The following CNTNAP2 variants were observed in gnomAD, a reference collection of about 807,000 sequenced individuals.
CNTNAP2 encodes contactin-associated protein-like 2.
In CNTNAP2, 98 loss-of-function variants were observed where a neutral mutation model predicts 155.2. The ratio of observed to expected loss-of-function variants is 0.63; its 90% CI spans 0.54 to 0.75. The LOEUF is 0.75. CNTNAP2 is among the 30% of genes least tolerant of loss of function. The probability of loss-of-function intolerance (pLI) is 0.00; values close to 1 mark genes in which losing one functional copy is unlikely to be tolerated. For missense variants in CNTNAP2, 1,727 were observed against 1,688.1 expected, an observed-to-expected ratio of 1.02 and a Z score of -0.40; for synonymous variants, 651 against 631.2, an observed-to-expected ratio of 1.03 and a Z score of -0.47.
intron 4 of CNTNAP2, among the ~76,000 whole-genome samples, chr7:147,094,476 A>G (rs1052094984): frequency 1.4e-5 from 2 of 143,926 alleles, no homozygotes; most frequent in Non-Finnish European, 3.0e-5. Context: ...ATCTCGGCTC[A>G]CTGCAAGCTC....
chr7:148,331,049 G>A (rs977377427), intron 21 of CNTNAP2, among the ~76,000 whole-genome samples: 13 of 150,606 alleles, frequency 8.6e-5, no homozygotes, highest in Admixed American at 7.3e-4. Context: ...TGGAATGGAC[G>A]GATGGGATGG....
At chr7:146,248,795 C>G (rs1452321424) in intron 1 of CNTNAP2, among the ~76,000 whole-genome samples, 8 of 152,172 alleles carry the variant, frequency 5.3e-5, no homozygotes, top group Non-Finnish European at 1.2e-4. Flanking sequence ...GTCCCCTGAT[C>G]CGAGTCACGG....
chr7:148,253,646 T>C (rs1796409441), intron 20 of CNTNAP2, among the ~76,000 whole-genome samples: 1 of 152,130 alleles, frequency 6.6e-6, no homozygotes, highest in Non-Finnish European at 1.5e-5. Context: ...GAGGCCTCTC[T>C]CTTCCCACAG....
chr7:147,305,933 C>G (rs926771753), intron 9 of CNTNAP2, among the ~76,000 whole-genome samples: 2 of 152,058 alleles, frequency 1.3e-5, no homozygotes, highest in Non-Finnish European at 2.9e-5. Context: ...TTATAGATAC[C>G]TCCCTCCAGT....
intron 21 of CNTNAP2, among the ~76,000 whole-genome samples, chr7:148,271,954 C>G (rs1342095224): frequency 1.3e-5 from 2 of 152,084 alleles, no homozygotes; most frequent in East Asian, 3.9e-4. Context: ...GGATCAGTTT[C>G]TGCTACTCAG....
chr7:146,308,023 C>G (rs962958171), intron 1 of CNTNAP2, among the ~76,000 whole-genome samples: 27 of 152,052 alleles, frequency 1.8e-4, no homozygotes, highest in Non-Finnish European at 3.1e-4. Flanking sequence ...AAGAAACTAC[C>G]ATCAGAGTGA....
At chr7:147,431,147 T>C (rs1192898396) in intron 10 of CNTNAP2, among the ~76,000 whole-genome samples, 1 of 152,136 alleles carries the variant, frequency 6.6e-6, no homozygotes, top group Non-Finnish European at 1.5e-5. Context: ...GCTTGTTGAA[T>C]TCATGATTAG....
At chr7:146,682,815 A>T (rs368040537) in intron 1 of CNTNAP2, among the ~76,000 whole-genome samples, 1 of 152,220 alleles carries the variant, frequency 6.6e-6, no homozygotes, top group South Asian at 2.1e-4. Flanking sequence ...GAAAAATTCA[A>T]TATTAAAGAC....
intron 1 of CNTNAP2, among the ~76,000 whole-genome samples, chr7:146,727,622 A>C (rs561079622): frequency 6.6e-6 from 1 of 152,176 alleles, no homozygotes; most frequent in Non-Finnish European, 1.5e-5. Flanking sequence ...TTTCACTGTC[A>C]GGCTGACTAA....
intron 6 of CNTNAP2, among the ~76,000 whole-genome samples, chr7:147,127,429 C>G (rs1563086046): frequency 6.6e-6 from 1 of 151,874 alleles, no homozygotes; most frequent in African/African-American, 2.4e-5. Flanking sequence ...GTTTCCCCCC[C>G]TAAAAGTACT....
At chr7:146,288,951 C>T (rs533635054) in intron 1 of CNTNAP2, among the ~76,000 whole-genome samples, 3 of 151,452 alleles carry the variant, frequency 2.0e-5, no homozygotes, top group South Asian at 4.2e-4. Flanking sequence ...ATTATTGGTG[C>T]GCACCACCAC....
At chr7:148,368,806 G>A (rs535374481) in intron 21 of CNTNAP2, among the ~76,000 whole-genome samples, 1 of 152,198 alleles carries the variant, frequency 6.6e-6, no homozygotes, top group African/African-American at 2.4e-5. Context: ...ATGCACCGGT[G>A]GTCAGACTGA....
chr7:148,068,051 T>A (rs1256262100), intron 15 of CNTNAP2, among the ~76,000 whole-genome samples: 1 of 151,990 alleles, frequency 6.6e-6, no homozygotes, highest in Non-Finnish European at 1.5e-5. Flanking sequence ...AGAGCTGAGG[T>A]CTTGTCCCAG....
chr7:148,331,763 T>A (rs62470613), intron 21 of CNTNAP2, among the ~76,000 whole-genome samples: 8,392 of 14,812 alleles, frequency 0.57, 2,499 homozygotes, highest in Middle Eastern at 0.67. Context: ...GACGGATGGA[T>A]TGGATGGATG....
At chr7:146,792,695 G>A (rs1386914220) in intron 2 of CNTNAP2, among the ~76,000 whole-genome samples, 1 of 152,188 alleles carries the variant, frequency 6.6e-6, no homozygotes, top group Non-Finnish European at 1.5e-5. Flanking sequence ...CTCTGAGATG[G>A]TGACATCATT....
At chr7:146,940,611 T>A (rs1797032891) in intron 3 of CNTNAP2, among the ~76,000 whole-genome samples, 1 of 152,110 alleles carries the variant, frequency 6.6e-6, no homozygotes, top group South Asian at 2.1e-4. Flanking sequence ...ATTCTCATGA[T>A]ACCTTGTTGG....
chr7:146,871,944 C>G (rs566944470), intron 3 of CNTNAP2, among the ~76,000 whole-genome samples: 2 of 152,162 alleles, frequency 1.3e-5, no homozygotes, highest in East Asian at 3.9e-4. Context: ...AGATTTCCTT[C>G]CTAATTATGT....
chr7:146,201,162 A>G (rs916317341), intron 1 of CNTNAP2, among the ~76,000 whole-genome samples: 1 of 152,166 alleles, frequency 6.6e-6, no homozygotes, highest in African/African-American at 2.4e-5. Context: ...GGTATCAATG[A>G]GTGAGAACAT....
At chr7:148,079,876 A>G (rs906991582) in intron 15 of CNTNAP2, among the ~76,000 whole-genome samples, 3 of 152,148 alleles carry the variant, frequency 2.0e-5, no homozygotes, top group African/African-American at 7.2e-5. Context: ...CATGACCTGA[A>G]CTAGTTTTTC....
Sources: gnomAD v4.1 joint callset for allele counts (sites outside exome capture counted in the v4.1 genomes callset) on GRCh38, gnomAD v4.1.1 for gene constraint, MANE v1.5 for transcripts, NCBI Gene and HGNC (gene_info 2026-07-23, HGNC 2026-07-21) for gene names.